HDAC9: variants seen among roughly 807,000 people sequenced by gnomAD.
HDAC9 encodes the protein MEF-2 interacting transcription repressor (MITR) protein.
In HDAC9, 41 loss-of-function variants were observed where a neutral mutation model predicts 139.4. That is an observed-to-expected ratio of 0.29 (90% CI 0.23 to 0.38). The LOEUF (loss-of-function observed/expected upper bound fraction) is 0.38, where lower values mean the gene tolerates loss of function less well. Ranked by LOEUF, HDAC9 falls within the 10% of genes least tolerant of loss-of-function variation. The pLI is 1.00. For missense variants in HDAC9, 1,147 were observed against 1,297.0 expected (o/e 0.88, Z 1.78); for synonymous variants, 517 against 476.2 (o/e 1.09, Z -1.12).
At chr7:18,339,020 A>C (rs750366679) in intron 1 of HDAC9, among the ~76,000 whole-genome samples, 1 of 151,486 alleles carries the variant, frequency 6.6e-6, no homozygotes, top group East Asian at 1.9e-4. Flanking sequence ...TGTCCATTTC[A>C]TGTAAGTTTT....
chr7:18,946,036 C>CAAAAAAAAAAAAAAAAAAAAAAAAAAA (rs1171055959), intron 23 of HDAC9, among the ~76,000 whole-genome samples: 3 of 38,260 alleles, frequency 7.8e-5, no homozygotes, highest in African/African-American at 2.2e-4. Flanking sequence ...GACTCCGTCT[C>CAAAAAAAAAAAAAAAAAAAAAAAAAAA]AAAAAAAAAA....
chr7:18,363,477 G>T (rs1335485388), intron 1 of HDAC9, among the ~76,000 whole-genome samples: 3 of 152,058 alleles, frequency 2.0e-5, no homozygotes, highest in Non-Finnish European at 2.9e-5. Flanking sequence ...ACTTCTGATG[G>T]TTCATTTTCT....
chr7:18,351,920 G>A (rs1318931795), intron 1 of HDAC9, among the ~76,000 whole-genome samples: 2 of 152,118 alleles, frequency 1.3e-5, no homozygotes, highest in Non-Finnish European at 1.5e-5. Flanking sequence ...GTGAATATGT[G>A]GAAAGTGACA....
chr7:18,092,617 G>A (rs928666525), intron 1 of HDAC9, among the ~76,000 whole-genome samples: 19 of 152,024 alleles, frequency 1.2e-4, no homozygotes, highest in African/African-American at 4.3e-4. Flanking sequence ...ATTGTCCATT[G>A]CCAAAAAGAA....
At chr7:18,425,434 C>T (rs1160368740) in intron 1 of HDAC9, among the ~76,000 whole-genome samples, 4 of 152,212 alleles carry the variant, frequency 2.6e-5, no homozygotes, top group Non-Finnish European at 2.9e-5. Context: ...TTCCCATTCA[C>T]AGCTGAGTGG....
intron 1 of HDAC9, among the ~76,000 whole-genome samples, chr7:18,129,634 A>C (rs1050591973): frequency 6.6e-6 from 1 of 152,124 alleles, no homozygotes; most frequent in Non-Finnish European, 1.5e-5. Flanking sequence ...ATATTCAATT[A>C]TCTGTAGCTT....
chr7:18,996,743 A>G lies in HDAC9; in HGVS notation c.*681A>G, dbSNP rs1314064350. On this transcript the variant is annotated 3_prime_UTR_variant, in exon 26 of 26. Coordinates refer to ENST00000686413, the MANE Select transcript of HDAC9 (RefSeq NM_178425.4). ...ACTGTTTGTAATGGTGCAATATTTT[A>G]TATCACTTTTTTTTAAACATCCCCA... 2 of 152,218 alleles carry G rather than the reference A, an allele frequency of 1.3e-5. No homozygotes were observed. Among genetic ancestry groups the G allele is most frequent in the South Asian group, 2.1e-4 (1 of 4,828 alleles). The allele number at this position is 152,218 out of a possible 1,614,324, so 9.4% of individuals were successfully genotyped here. A position where few individuals can be genotyped will look rare whatever the true frequency, so the allele number is the denominator to read the frequency against.
At chr7:18,291,493 G>A (rs2128224975) in intron 1 of HDAC9, among the ~76,000 whole-genome samples, 1 of 152,126 alleles carries the variant, frequency 6.6e-6, no homozygotes, top group South Asian at 2.1e-4. Flanking sequence ...TCAGAAAATT[G>A]CTGGGAACAT....
At chr7:18,182,744 A>G (rs139377560) in intron 2 of HDAC9, among the ~76,000 whole-genome samples, 10 of 152,298 alleles carry the variant, frequency 6.6e-5, no homozygotes, top group African/African-American at 2.2e-4. Context: ...TTAATTCCAG[A>G]GTTTGTATTG....
At chr7:18,588,865 C>T (rs967359372) in intron 3 of HDAC9, among the ~76,000 whole-genome samples, 3 of 152,116 alleles carry the variant, frequency 2.0e-5, no homozygotes, top group Admixed American at 2.0e-4. Flanking sequence ...ATGGAATTCT[C>T]CACTTGTGGC....
chr7:18,926,512 A>G (rs1804242031), intron 22 of HDAC9, among the ~76,000 whole-genome samples: 1 of 152,200 alleles, frequency 6.6e-6, no homozygotes, highest in African/African-American at 2.4e-5. Flanking sequence ...CTGAGGTTCA[A>G]ATAGAGTTTA....
chr7:18,400,524 A>G (rs1233576626), intron 1 of HDAC9, among the ~76,000 whole-genome samples: 1 of 152,170 alleles, frequency 6.6e-6, no homozygotes. Context: ...GAAGTTGGAC[A>G]TGGGGTCATC....
At chr7:18,222,094 A>G (rs561976066) in intron 2 of HDAC9, among the ~76,000 whole-genome samples, 148 of 152,294 alleles carry the variant, frequency 9.7e-4, no homozygotes, top group African/African-American at 3.4e-3. Flanking sequence ...TTTAAAAACT[A>G]TGATGAAAGG....
rs917363289 is a variant in HDAC9, at chr7:18,998,885, T to A, written c.*2823T>A. ...AATTTAATAAGCTGTCAAACGTAGGTATAAAAAGAAGGCTTAAAAATTAAT... is the reference window on the plus strand; with the variant it reads ...AATTTAATAAGCTGTCAAACGTAGGAATAAAAAGAAGGCTTAAAAATTAAT... On this transcript the variant is annotated 3_prime_UTR_variant, in exon 26 of 26. Transcript: ENST00000686413. The A allele has an allele frequency of 6.6e-6, 1 of 152,188 alleles. No homozygotes were observed. The highest frequency in any genetic ancestry group is 1.5e-5 in the Non-Finnish European group (1 of 68,034). The allele number at this position is 152,188 out of a possible 1,614,324, so 9.4% of individuals were successfully genotyped here. A position where few individuals can be genotyped will look rare whatever the true frequency, so the allele number is the denominator to read the frequency against.
At chr7:18,235,344 G>C (rs778714153) in intron 2 of HDAC9, among the ~76,000 whole-genome samples, 10 of 151,892 alleles carry the variant, frequency 6.6e-5, no homozygotes, top group Non-Finnish European at 1.3e-4. Context: ...GTGGTATTCT[G>C]GTAAATGTTT....
chr7:18,553,857 T>C (rs550841693), intron 2 of HDAC9, among the ~76,000 whole-genome samples: 33 of 152,082 alleles, frequency 2.2e-4, no homozygotes, highest in African/African-American at 8.0e-4. Flanking sequence ...TAGAAGAGAG[T>C]TATAGGTGTG....
At chr7:18,104,667 TACTCTCCAGTTTCCTCCTC>T (rs1184955566) in intron 1 of HDAC9, among the ~76,000 whole-genome samples, 2 of 152,134 alleles carry the variant, frequency 1.3e-5, no homozygotes, top group Non-Finnish European at 2.9e-5. Flanking sequence ...TGGGATATCA[TACTCTCCAGTTTCCTCCTC>T]TGCCTCTGCT....
At chr7:18,510,579 C>G (rs930049649) in intron 2 of HDAC9, among the ~76,000 whole-genome samples, 5 of 152,098 alleles carry the variant, frequency 3.3e-5, no homozygotes, top group Non-Finnish European at 5.9e-5. Context: ...CCCACAATTG[C>G]TATCTAGCTC....
chr7:18,103,333 T>C (rs956958282), intron 1 of HDAC9, among the ~76,000 whole-genome samples: 1 of 152,182 alleles, frequency 6.6e-6, no homozygotes, highest in Admixed American at 6.5e-5. Context: ...ATTTTTACTT[T>C]ATTATTTTAT....
Sources: allele counts gnomAD v4.1 joint callset (sites outside exome capture counted in the v4.1 genomes callset), GRCh38; gene constraint gnomAD v4.1.1; transcripts MANE v1.5; gene names NCBI Gene and HGNC (gene_info 2026-07-23, HGNC 2026-07-21).